Variants in FBRSL1 observed in about 807,000 individuals in gnomAD.
FBRSL1 encodes fibrosin like 1.
FBRSL1 carries 51 observed loss-of-function variants against 89.6 expected under a neutral mutation model. The ratio of observed to expected loss-of-function variants is 0.57; its 90% confidence interval spans 0.45 to 0.72. FBRSL1 has a LOEUF of 0.72. FBRSL1 is among the 30% of genes least tolerant of loss of function. The probability of loss-of-function intolerance (pLI) is 0.00; values close to 1 mark genes in which losing one functional copy is unlikely to be tolerated. For missense variants in FBRSL1, 1,618 were observed against 1,451.8 expected, an observed-to-expected ratio of 1.11 and a Z score of -1.86; for synonymous variants, 779 against 681.1, an observed-to-expected ratio of 1.14 and a Z score of -2.24.
rs1304154247 is a variant in FBRSL1 at position 132,582,968 on chromosome 12, C to CA, written c.2202-2dup. 1 of 1,417,538 alleles carries CA rather than the reference C, an allele frequency of 7.1e-7. No individual in the cohort carries two copies. The highest frequency in any genetic ancestry group is 3.2e-5 in the Admixed American group (1 of 31,680). The allele number at this position is 1,417,538 out of a possible 1,614,324, so 87.8% of individuals were successfully genotyped here. On this transcript the variant is annotated splice_polypyrimidine_tract_variant and splice_region_variant and intron_variant, in intron 18 of 18. Coordinates refer to ENST00000680143, the MANE Select transcript of FBRSL1 (RefSeq NM_001367871.1). ...AGTGACGGGTCCGCCCTGCCGCCCCCAGGGACCTCCTGGAGAAGACGCGCC... is the reference window on the plus strand; with the variant it reads ...AGTGACGGGTCCGCCCTGCCGCCCCCAAGGGACCTCCTGGAGAAGACGCGCC...
chr12:132,528,758 T>G (rs1329988401), intron 4 of FBRSL1, among the ~76,000 whole-genome samples: 2 of 150,142 alleles, frequency 1.3e-5, no homozygotes, highest in African/African-American at 4.9e-5. Context: ...CGGGTGTGTT[T>G]CAGGGTGTGC....
chr12:132,543,605 C>A (rs2037442805), intron 4 of FBRSL1, among the ~76,000 whole-genome samples: 1 of 152,084 alleles, frequency 6.6e-6, no homozygotes, highest in South Asian at 2.1e-4. Context: ...TAAATCAGGC[C>A]AGACCAAGCC....
Position 132,581,501 on chromosome 12 carries a change from A to G in FBRSL1, c.1897A>G (p.Thr633Ala). 6.4e-7 allele frequency: 1 copy of G among 1,550,988 alleles called. No individual in the cohort carries two copies. The highest frequency in any genetic ancestry group is 1.4e-5 in the African/African-American group (1 of 73,148). ...PSAHPGSFLP[T>A]GPLTDPFSRP... ...AGCCCATCCTGGCAGCTTCCTGCCC[A>G]CTGGCCCCCTGACAGGTGGGTGTCT... is the stretch of plus-strand genomic sequence containing the variant. The change falls in exon 16 of 19, where the codon ACT becomes GCT. Residue 633 changes from threonine to alanine, a missense_variant. Physicochemically the swap from Thr to Ala is moderately conservative, Grantham distance 58. Transcript: ENST00000680143.
chr12:132,534,402 C>G (rs1054196260), intron 4 of FBRSL1, among the ~76,000 whole-genome samples: 1 of 152,248 alleles, frequency 6.6e-6, no homozygotes, highest in African/African-American at 2.4e-5. Context: ...GGAGACCTCG[C>G]CTCCATCTGC....
intron 15 of FBRSL1, among the ~76,000 whole-genome samples, chr12:132,579,843 C>G (rs371385489): frequency 2.6e-5 from 4 of 152,188 alleles, no homozygotes; most frequent in Non-Finnish European, 5.9e-5. Flanking sequence ...GCTCACAGTT[C>G]AGGTTCCAAG....
rs551677521 is a variant in FBRSL1, at chr12:132,546,708, C to A, written c.616-1295C>A. Among the ~76,000 whole-genome samples the A allele has an allele frequency of 1.2e-4, 18 of 151,996 alleles. 3 individuals are homozygous for A. Among genetic ancestry groups the A allele is most frequent in the South Asian group, 1.0e-3 (5 of 4,806 alleles). On this transcript the variant is annotated intron_variant, in intron 4 of 18. Transcript: ENST00000680143. This position sits in a 1 kb window ranked among gnomAD's most constrained non-coding sequence, Gnocchi z 4.0. ...GGGGGAGCCTGTCAGCCTCAGGAGA[C>A]CCCCCCCACAGGCCCACCCCAGCTG...
intron 2 of FBRSL1, among the ~76,000 whole-genome samples, chr12:132,521,605 C>T (rs545181794): frequency 3.1e-3 from 467 of 152,312 alleles, no homozygotes; most frequent in Non-Finnish European, 5.2e-3. Context: ...CAGTTCATGC[C>T]CCTGTAGGAT....
intron 2 of FBRSL1, among the ~76,000 whole-genome samples, chr12:132,521,592 T>C (rs901465515): frequency 6.6e-6 from 1 of 152,168 alleles, no homozygotes; most frequent in African/African-American, 2.4e-5. Context: ...GGCCGGCCAG[T>C]CTCAGTTCAT....
At chr12:132,517,284 G>A (rs1407180900) in intron 2 of FBRSL1, among the ~76,000 whole-genome samples, 6 of 152,252 alleles carry the variant, frequency 3.9e-5, no homozygotes, top group South Asian at 2.1e-4. Context: ...GGGCCACGCC[G>A]GCCAGGGTGC....
chr12:132,527,596 G>A (rs1157224282), intron 3 of FBRSL1, among the ~76,000 whole-genome samples: 3 of 150,448 alleles, frequency 2.0e-5, no homozygotes, highest in Non-Finnish European at 3.0e-5. Context: ...GCGGGGCTGC[G>A]GGGCAGGGTT....
chr12:132,492,304 G>A (rs1270879538), intron 1 of FBRSL1, among the ~76,000 whole-genome samples: 5 of 152,154 alleles, frequency 3.3e-5, no homozygotes, highest in South Asian at 2.1e-4. Flanking sequence ...TTGCAAAAAC[G>A]TCACCTCAGA....
intron 2 of FBRSL1, among the ~76,000 whole-genome samples, chr12:132,520,709 G>A (rs893110189): frequency 6.6e-6 from 1 of 152,202 alleles, no homozygotes; most frequent in Non-Finnish European, 1.5e-5. Context: ...GGACAGAGGG[G>A]CCCCAGAGTC....
intron 4 of FBRSL1, among the ~76,000 whole-genome samples, chr12:132,541,056 C>A (rs1372384045): frequency 7.9e-5 from 12 of 151,788 alleles, no homozygotes; most frequent in Admixed American, 7.9e-4. Context: ...CACACCCCTA[C>A]CCCGAGGCAC....
chr12:132,502,263 C>T (rs2033077437), intron 1 of FBRSL1, among the ~76,000 whole-genome samples: 1 of 152,212 alleles, frequency 6.6e-6, no homozygotes, highest in East Asian at 1.9e-4. Flanking sequence ...GCAGACCCCA[C>T]TGGTGGCCGG....
chr12:132,571,109 T>A lies in FBRSL1; in HGVS notation c.1255T>A (p.Cys419Ser). 3 of 1,370,692 alleles carry A rather than the reference T, an allele frequency of 2.2e-6. No homozygotes were observed. The highest frequency in any genetic ancestry group is 1.9e-5 in the South Asian group (1 of 53,388). 84.9% of individuals were successfully genotyped at this position (1,370,692 alleles called of 1,614,324 possible). A position where few individuals can be genotyped will look rare whatever the true frequency, so the allele number is the denominator to read the frequency against. The change falls in exon 9 of 19, where the codon TGC becomes AGC. Residue 419 changes from cysteine to serine, a missense_variant. Cys to Ser is a moderately radical substitution (Grantham distance 112). Coordinates refer to ENST00000680143, the MANE Select transcript of FBRSL1 (RefSeq NM_001367871.1). The stretch of plus-strand genomic sequence containing the variant: ...CTCATTCAGCCAGCCAATCATGTAT[T>A]GCCAGCCTCATTCGGGAATTCTGAT... ...AVSFSQPIMYCQPHSGILIGT... is the reference protein window; with the variant it reads ...AVSFSQPIMYSQPHSGILIGT...
chr12:132,517,217 G>A (rs2034922318), intron 2 of FBRSL1, among the ~76,000 whole-genome samples: 2 of 152,130 alleles, frequency 1.3e-5, no homozygotes, highest in Admixed American at 1.3e-4. Flanking sequence ...CCACCTGACA[G>A]GGCCCTCCTA....
chr12:132,502,586 A>G (rs149854360), intron 1 of FBRSL1, among the ~76,000 whole-genome samples: 1 of 152,220 alleles, frequency 6.6e-6, no homozygotes, highest in Non-Finnish European at 1.5e-5. Context: ...CTCCAGGCTC[A>G]GCCCCTATCA....
intron 5 of FBRSL1, among the ~76,000 whole-genome samples, chr12:132,564,572 T>G (rs1405428350): frequency 2.5e-5 from 3 of 117,818 alleles, no homozygotes; most frequent in East Asian, 6.1e-4. Context: ...CTCAGCTCAC[T>G]GCAAGCTCCG....
At chr12:132,513,056 C>G (rs991155697) in intron 2 of FBRSL1, among the ~76,000 whole-genome samples, 1 of 152,218 alleles carries the variant, frequency 6.6e-6, no homozygotes, top group African/African-American at 2.4e-5. Context: ...TGCCAGGCGT[C>G]GCCCTGGGAA....
Sources: gnomAD v4.1 joint callset for allele counts (sites outside exome capture counted in the v4.1 genomes callset) on GRCh38, gnomAD v4.1.1 for gene constraint, Gnocchi (gnomAD v3.1) non-coding constraint, MANE v1.5 for transcripts, NCBI Gene and HGNC (gene_info 2026-07-23, HGNC 2026-07-21) for gene names.